Variants in CYP20A1 observed in about 807,000 individuals in gnomAD.
CYP20A1 encodes cytochrome P450 20A1.
A neutral mutation model predicts 61.4 loss-of-function variants in CYP20A1; 61 were observed. The ratio of observed to expected loss-of-function variants is 0.99; its 90% CI spans 0.81 to 1.23. The LOEUF is 1.23. CYP20A1 is among the 50% of genes most tolerant of loss of function. The probability of loss-of-function intolerance (pLI) is 0.00; values close to 1 mark genes in which losing one functional copy is unlikely to be tolerated. For missense variants in CYP20A1, 530 were observed against 542.4 expected (o/e 0.98, Z 0.23); for synonymous variants, 193 against 188.2 (o/e 1.03, Z -0.21).
rs1445844039 is a variant in CYP20A1 at position 203,278,558 on chromosome 2, GT to G, written c.680-8del. ...AATGCTTGTATTCTAAAATTATTTT[GT>G]TTTTTTCTCTAAGCCCTCATGCAAC... On this transcript the variant is annotated splice_polypyrimidine_tract_variant and intron_variant, in intron 6 of 12. Coordinates refer to ENST00000356079, the MANE Select transcript of CYP20A1 (RefSeq NM_177538.3). 5.2e-6 allele frequency: 7 copies of G among 1,334,874 alleles called. No homozygotes were observed. The highest frequency in any genetic ancestry group is 6.2e-6 in the Non-Finnish European group (6 of 960,744). 82.7% of individuals were successfully genotyped at this position (1,334,874 alleles called of 1,614,324 possible).
chr2:203,292,762 AT>A (rs1231303954), intron 11 of CYP20A1, among the ~76,000 whole-genome samples: 2 of 151,816 alleles, frequency 1.3e-5, no homozygotes, highest in Admixed American at 6.6e-5. Flanking sequence ...CCTGACCTGC[AT>A]CCCCATTATA....
intron 10 of CYP20A1, among the ~76,000 whole-genome samples, chr2:203,290,992 TA>T (rs1209630229): frequency 9.9e-5 from 15 of 152,270 alleles, no homozygotes; most frequent in Admixed American, 7.2e-4. Context: ...TGATTGACAT[TA>T]TTTTTTTTAA....
Position 203,302,295 on chromosome 2 carries a change from T to C in CYP20A1, c.*5387T>C, listed in dbSNP as rs2069053764. ...CCTATAACTCAAGCACTTTGGGAGT[T>C]CAAGGCGGCCAGATTGCTTGAGCTT... On this transcript the variant is annotated 3_prime_UTR_variant, in exon 13 of 13. Transcript: ENST00000356079. 6.6e-6 allele frequency among the ~76,000 whole-genome samples: 1 copy of C among 152,138 alleles called. No individual in the cohort carries two copies. Among genetic ancestry groups the C allele is most frequent in the Admixed American group, 6.5e-5 (1 of 15,270 alleles).
chr2:203,278,489 A>G (rs1423985941), intron 6 of CYP20A1, 84 bp from the exon 7 acceptor site: 1 of 544,936 alleles, frequency 1.8e-6, no homozygotes, highest in African/African-American at 2.0e-5. Context: ...TTCTTCATAT[A>G]GTAACATTGC....
intron 4 of CYP20A1, chr2:203,259,889 C>CA (rs1553515044): frequency 6.6e-6 from 1 of 150,946 alleles, no homozygotes; most frequent in Non-Finnish European, 1.5e-5. Flanking sequence ...TCGTGATCTG[C>CA]CCACCTCAGC....
rs2882768 is a variant in CYP20A1, at chr2:203,288,063, T to C, written c.972-1702T>C. Among the ~76,000 whole-genome samples the C allele has an allele frequency of 2.9e-3, 121 of 41,294 alleles. 3 individuals are homozygous for C. Among genetic ancestry groups the C allele is most frequent in the East Asian group, 0.021 (41 of 1,936 alleles). The allele number at this position is 41,294 out of a possible 152,430, so 27.1% of individuals were successfully genotyped here. On this transcript the variant is annotated intron_variant, in intron 9 of 12. Transcript: ENST00000356079. ...AGCCTGTGTTTATTTCTCTCTCTCT[T>C]TTTTTTTTTTTTTTTTTTTTCAGAT...
rs571566899 is a variant in CYP20A1 at position 203,302,983 on chromosome 2, G to A, written c.*6075G>A. ...TGGGATTACAAGCATGAGCCACCGC[G>A]CTCGGTCCCTTTCTTTTTATTTATT... On this transcript the variant is annotated 3_prime_UTR_variant, in exon 13 of 13. Transcript: ENST00000356079. 2.6e-5 allele frequency among the ~76,000 whole-genome samples: 4 copies of A among 151,788 alleles called. No individual in the cohort carries two copies. The highest frequency in any genetic ancestry group is 6.6e-5 in the Admixed American group (1 of 15,206).
At chr2:203,242,668 C>T (rs1466456563) in intron 1 of CYP20A1, among the ~76,000 whole-genome samples, 2 of 151,958 alleles carry the variant, frequency 1.3e-5, no homozygotes, top group South Asian at 2.1e-4. Flanking sequence ...TCCGTGGTCC[C>T]TGGTCCCAGC....
At chr2:203,244,627 A>G (rs969214099) in intron 1 of CYP20A1, among the ~76,000 whole-genome samples, 4 of 152,108 alleles carry the variant, frequency 2.6e-5, no homozygotes, top group African/African-American at 9.7e-5. Context: ...GAAAACGACG[A>G]AAAATGTACT....
rs577423169 is a variant in CYP20A1, at chr2:203,250,568, G to A, written c.290-1399G>A. On this transcript the variant is annotated intron_variant, in intron 3 of 12. Transcript: ENST00000356079. ...TACTAGGCTTTATACAACATGAAAA[G>A]ATGGCTCTGTCAGGGAATATAATGA... 1.6e-4 allele frequency among the ~76,000 whole-genome samples: 24 copies of A among 152,282 alleles called. 1 individual carries two copies. In the South Asian group the frequency reaches 3.9e-3, roughly 25 times the overall value.
rs2069151732 is a variant in CYP20A1, at chr2:203,304,617, G to T, written c.*7709G>T. On this transcript the variant is annotated 3_prime_UTR_variant, in exon 13 of 13. Transcript: ENST00000356079. ...TTACATAGTACGTTCATTGCAGCAT[G>T]AGTTACTTTTCACTTAATAAATTTT... is the stretch of plus-strand genomic sequence containing the variant. 6.6e-6 allele frequency among the ~76,000 whole-genome samples: 1 copy of T among 152,168 alleles called. No individual in the cohort carries two copies. Among genetic ancestry groups the T allele is most frequent in the African/African-American group, 2.4e-5 (1 of 41,424 alleles).
Position 203,252,055 on chromosome 2 carries a change from G to T in CYP20A1, c.378G>T (p.Leu126Phe). Residue 126 changes from leucine (L) to phenylalanine (F), a missense_variant, in exon 4 of 13, where the codon TTG (leucine) becomes TTT (phenylalanine). By Grantham distance (22) the Leu-to-Phe change is conservative. Transcript: ENST00000356079. ...GTGAAAACCACATGAGGAAAAAATT[G>T]TATGAAAATGGTGTGACTGATTCTC... ...SVSENHMRKKLYENGVTDSLK... is the reference protein window; with the variant it reads ...SVSENHMRKKFYENGVTDSLK... The T allele has an allele frequency of 1.2e-6, 2 of 1,610,778 alleles. No homozygotes were observed. The highest frequency in any genetic ancestry group is 2.2e-5 in the South Asian group (2 of 90,686).
intron 1 of CYP20A1, among the ~76,000 whole-genome samples, chr2:203,244,968 G>A (rs1365779930): frequency 2.0e-5 from 3 of 150,814 alleles, no homozygotes; most frequent in South Asian, 4.2e-4. Flanking sequence ...TCCTGACCTC[G>A]TGATCCGCCT....
At chr2:203,245,052 T>TA (rs1221215148) in intron 1 of CYP20A1, among the ~76,000 whole-genome samples, 3 of 125,276 alleles carry the variant, frequency 2.4e-5, no homozygotes, top group East Asian at 2.4e-4. Flanking sequence ...TTTTTTGAGA[T>TA]AGAGTCTTGC....
intron 4 of CYP20A1, among the ~76,000 whole-genome samples, chr2:203,252,821 CTG>C (rs1358142222): frequency 6.6e-6 from 1 of 152,136 alleles, no homozygotes; most frequent in African/African-American, 2.4e-5. Context: ...GCTAAGAGAT[CTG>C]TGACTCCCCA....
intron 1 of CYP20A1, among the ~76,000 whole-genome samples, chr2:203,244,468 G>A (rs982257094): frequency 6.6e-6 from 1 of 151,902 alleles, no homozygotes; most frequent in African/African-American, 2.4e-5. Context: ...AAAAGTGCTG[G>A]GATTACAGGC....
At chr2:203,256,907 G>A (rs1413630213) in intron 4 of CYP20A1, among the ~76,000 whole-genome samples, 4 of 152,048 alleles carry the variant, frequency 2.6e-5, no homozygotes, top group Non-Finnish European at 5.9e-5. Flanking sequence ...TCCCAGCCTT[G>A]CATGGCTAAC....
chr2:203,240,243 A>G (rs1174259451), intron 1 of CYP20A1, among the ~76,000 whole-genome samples: 1 of 152,270 alleles, frequency 6.6e-6, no homozygotes, highest in Non-Finnish European at 1.5e-5. Flanking sequence ...GGATTAGACT[A>G]GAATCTTGCA....
rs552520427 is a variant in CYP20A1 at position 203,241,595 on chromosome 2, C to G, written c.72+2461C>G. ...GATGTTTTAAGCAGAAGAGGATAAT[C>G]AGCTAAGTCAAATGCTGCAGATATT... is the stretch of plus-strand genomic sequence containing the variant. On this transcript the variant is annotated intron_variant, in intron 1 of 12. Coordinates refer to ENST00000356079, the MANE Select transcript of CYP20A1 (RefSeq NM_177538.3). 3.3e-5 allele frequency among the ~76,000 whole-genome samples: 5 copies of G among 152,350 alleles called. No homozygotes were observed. In the South Asian group the frequency reaches 1.0e-3, roughly 32 times the overall value.
Sources: gnomAD v4.1 joint callset for allele counts (sites outside exome capture counted in the v4.1 genomes callset) on GRCh38, gnomAD v4.1.1 for gene constraint, MANE v1.5 for transcripts, NCBI Gene and HGNC (gene_info 2026-07-23, HGNC 2026-07-21) for gene names.